SYT17: variants seen among roughly 807,000 people sequenced by gnomAD.
SYT17 encodes the protein synaptotagmin-17.
SYT17 carries 22 observed loss-of-function variants against 46.7 expected under a neutral mutation model. The ratio of observed to expected loss-of-function variants is 0.47; its 90% CI spans 0.34 to 0.67. SYT17 has a LOEUF of 0.67. Ranked by LOEUF, SYT17 falls within the 30% of genes least tolerant of loss-of-function variation. The pLI is 0.01. For synonymous variants in SYT17, 251 were observed against 248.4 expected (o/e 1.01, Z -0.10); for missense variants, 519 against 612.8 (o/e 0.85, Z 1.62).
At chr16:19,170,078 T>G (rs1421112648) in intron 1 of SYT17, 1 of 152,298 alleles carries the variant, frequency 6.6e-6, no homozygotes, top group Non-Finnish European at 1.5e-5. Context: ...TTGGTTTTCC[T>G]TCTAGAACAA....
Position 19,210,678 on chromosome 16 carries a change from T to C in SYT17, c.952-12367T>C, listed in dbSNP as rs115300957. ...GATGAAATGTGTAAAGCACTGGCATTGCGGTTGGAGTTTGCTTTTTAAAAA... is the reference window on the plus strand; with the variant it reads ...GATGAAATGTGTAAAGCACTGGCATCGCGGTTGGAGTTTGCTTTTTAAAAA... On this transcript the variant is annotated intron_variant, in intron 5 of 7. Transcript: ENST00000355377. 1.8e-3 allele frequency among the ~76,000 whole-genome samples: 281 copies of C among 152,228 alleles called. 1 individual carries two copies. Among genetic ancestry groups the C allele is most frequent in the African/African-American group, 6.5e-3 (270 of 41,532 alleles).
chr16:19,250,359 TTGTGTGTG>T (rs55818940), intron 7 of SYT17, among the ~76,000 whole-genome samples: 7,425 of 132,538 alleles, frequency 0.056, 532 homozygotes, highest in African/African-American at 0.18. Flanking sequence ...TCAAACATGT[TTGTGTGTG>T]TGTGTGTGTG....
At chr16:19,212,184 G>A (rs1349035598) in intron 5 of SYT17, among the ~76,000 whole-genome samples, 1 of 152,154 alleles carries the variant, frequency 6.6e-6, no homozygotes, top group East Asian at 1.9e-4. Context: ...CAGAGATGCT[G>A]CTAAACTTCC....
At chr16:19,192,140 C>G (rs1401501895) in intron 5 of SYT17, among the ~76,000 whole-genome samples, 1 of 152,192 alleles carries the variant, frequency 6.6e-6, no homozygotes, top group Admixed American at 6.5e-5. Flanking sequence ...TAAGCCATGG[C>G]CAGGCACGGT....
chr16:19,223,283 G>T, intron 6 of SYT17, 118 bp downstream of exon 6: 1 of 1,253,996 alleles, frequency 8.0e-7, no homozygotes, highest in East Asian at 2.5e-5. Flanking sequence ...GGATGAGGCA[G>T]GTAAATGATG....
intron 5 of SYT17, among the ~76,000 whole-genome samples, chr16:19,207,948 CAT>C (rs1258622437): frequency 2.0e-5 from 3 of 152,134 alleles, no homozygotes; most frequent in African/African-American, 7.2e-5. Context: ...AGCCTTACCT[CAT>C]AACACAGACC....
chr16:19,237,904 T>C (rs1966870775), intron 7 of SYT17, among the ~76,000 whole-genome samples: 1 of 152,244 alleles, frequency 6.6e-6, no homozygotes, highest in Non-Finnish European at 1.5e-5. Context: ...ACTATGAGTT[T>C]GCAGAAATAT....
chr16:19,234,412 G>T lies in SYT17; in HGVS notation c.1228+9574G>T, dbSNP rs552469884. Among the ~76,000 whole-genome samples the T allele has an allele frequency of 1.3e-4, 20 of 151,630 alleles. No individual in the cohort carries two copies. In the Middle Eastern group the frequency reaches 0.014, roughly 103 times the overall value. On this transcript the variant is annotated intron_variant, in intron 7 of 7. Coordinates refer to ENST00000355377, the MANE Select transcript of SYT17 (RefSeq NM_016524.4). ...CAAACTATTCTTTTGATGGATCTCA[G>T]GTTTCTTCTCTGTTATGAGCTTCCA... is the stretch of plus-strand genomic sequence containing the variant.
At chr16:19,226,213 C>T (rs537420838) in intron 7 of SYT17, among the ~76,000 whole-genome samples, 1 of 152,302 alleles carries the variant, frequency 6.6e-6, no homozygotes, top group South Asian at 2.1e-4. Context: ...AATCAGGACT[C>T]AAGCTCTGGT....
intron 7 of SYT17, among the ~76,000 whole-genome samples, chr16:19,262,100 TTGGAAAAACTGTTATTCTCA>T (rs1287362060): frequency 2.0e-5 from 3 of 151,706 alleles, no homozygotes; most frequent in African/African-American, 7.3e-5. Flanking sequence ...ACCACAGAAC[TTGGAAAAACTGTTATTCTCA>T]TGGTTACAGT....
chr16:19,225,524 G>A (rs989884332), intron 7 of SYT17, among the ~76,000 whole-genome samples: 9 of 152,168 alleles, frequency 5.9e-5, no homozygotes, highest in African/African-American at 2.2e-4. Flanking sequence ...TAGTCCCTGT[G>A]GGTCAGAAAT....
chr16:19,207,707 G>A (rs1480207955), intron 5 of SYT17, among the ~76,000 whole-genome samples: 2 of 152,124 alleles, frequency 1.3e-5, no homozygotes, highest in South Asian at 2.1e-4. Flanking sequence ...TCACAGCTTC[G>A]TGGAGCAGAA....
chr16:19,230,356 G>A (rs946160880), intron 7 of SYT17, among the ~76,000 whole-genome samples: 53 of 151,312 alleles, frequency 3.5e-4, no homozygotes, highest in Admixed American at 3.1e-3. Flanking sequence ...GCAATGAGCC[G>A]AGATCACGCC....
In SYT17 at chr16:19,183,790, C is replaced by A. The variant is rs1212360057; in HGVS notation, c.594C>A (p.His198Gln). ...LHFSTQYDLL[H>Q]NHLTVRVIEA... ...TCAGCACTCAGTACGACCTGCTGCA[C>A]AACCACCTCACCGTGCGCGTGATCG... The change falls in exon 5 of 8, where the codon CAC becomes CAA. Residue 198 changes from histidine (H) to glutamine (Q), a missense_variant. By Grantham distance (24) the His-to-Gln change is conservative. Coordinates refer to ENST00000355377, the MANE Select transcript of SYT17 (RefSeq NM_016524.4). This position sits in a 1 kb window ranked among gnomAD's most constrained non-coding sequence, Gnocchi z 5.6. The A allele has an allele frequency of 1.2e-6, 2 of 1,614,220 alleles. No individual in the cohort carries two copies. Among genetic ancestry groups the A allele is most frequent in the African/African-American group, 1.3e-5 (1 of 75,066 alleles).
In SYT17 at chr16:19,168,660, A is replaced by G; in HGVS notation, c.14A>G (p.Gln5Arg). The change falls in exon 1 of 8, where the codon CAG (glutamine) becomes CGG (arginine). Residue 5 changes from glutamine to arginine, a missense_variant and splice_region_variant. Physicochemically the swap from Gln to Arg is conservative, Grantham distance 43. Coordinates refer to ENST00000355377, the MANE Select transcript of SYT17 (RefSeq NM_016524.4). The surrounding 1 kb of genome is among the most constrained non-coding windows in gnomAD (Gnocchi z 6.9). ...GCGCGGGCGAAAATGGCGTACATCC[A>G]GGTAGGGCTGAGGCTGGGGGCAAGG... Reference protein sequence around the residue: MAYIQLEPLNEGFLS... With the variant: MAYIRLEPLNEGFLS... 6.5e-7 allele frequency: 1 copy of G among 1,530,446 alleles called. No individual in the cohort carries two copies. The highest frequency in any genetic ancestry group is 8.8e-7 in the Non-Finnish European group (1 of 1,136,690). The allele number at this position is 1,530,446 out of a possible 1,614,324, so 94.8% of individuals were successfully genotyped here.
intron 7 of SYT17, 98 bp downstream of exon 7, chr16:19,224,936 C>A: frequency 7.1e-7 from 1 of 1,404,326 alleles, no homozygotes; most frequent in Non-Finnish European, 9.8e-7. Context: ...CATTTAAGAA[C>A]GTAATGTCTG....
intron 7 of SYT17, among the ~76,000 whole-genome samples, chr16:19,239,380 G>C (rs1966923751): frequency 6.6e-6 from 1 of 152,156 alleles, no homozygotes; most frequent in African/African-American, 2.4e-5. Context: ...TCACCTGTCT[G>C]CCTACATTTT....
intron 5 of SYT17, among the ~76,000 whole-genome samples, chr16:19,219,562 A>G (rs1402603048): frequency 6.6e-6 from 1 of 152,132 alleles, no homozygotes; most frequent in African/African-American, 2.4e-5. Flanking sequence ...AATCAACTGC[A>G]TTGAGGCGGA....
intron 5 of SYT17, among the ~76,000 whole-genome samples, chr16:19,213,998 G>A (rs1266042362): frequency 6.6e-6 from 1 of 152,180 alleles, no homozygotes; most frequent in African/African-American, 2.4e-5. Flanking sequence ...CCTTGTTGAG[G>A]GGGGCTGTCT....
Sources: gnomAD v4.1 joint callset for allele counts (sites outside exome capture counted in the v4.1 genomes callset) on GRCh38, gnomAD v4.1.1 for gene constraint, Gnocchi (gnomAD v3.1) non-coding constraint, MANE v1.5 for transcripts, NCBI Gene and HGNC (gene_info 2026-07-23, HGNC 2026-07-21) for gene names.